GTPBP4: variants seen among roughly 807,000 people sequenced by gnomAD.
GTPBP4 encodes the protein GTP-binding protein 4.
In GTPBP4, 15 loss-of-function variants were observed where a neutral mutation model predicts 81.7. That is an observed-to-expected ratio of 0.18 (90% confidence interval 0.12 to 0.28). The LOEUF (loss-of-function observed/expected upper bound fraction) is 0.28. Among genes scored for constraint, GTPBP4 ranks in the 10% least tolerant of loss-of-function variants. The probability of loss-of-function intolerance (pLI) is 1.00; values close to 1 mark genes in which losing one functional copy is unlikely to be tolerated. For missense variants in GTPBP4, 847 were observed against 793.8 expected, an observed-to-expected ratio of 1.07 and a Z score of -0.81; for synonymous variants, 272 against 274.6, an observed-to-expected ratio of 0.99 and a Z score of 0.09.
intron 15 of GTPBP4, among the ~76,000 whole-genome samples, chr10:1,015,415 C>T (rs1337208713): frequency 8.2e-6 from 1 of 122,484 alleles, no homozygotes; most frequent in African/African-American, 3.5e-5. Flanking sequence ...GTCCTGAGCG[C>T]TGAGCCTGGG....
chr10:993,960 T>C (rs1257830101), intron 2 of GTPBP4, among the ~76,000 whole-genome samples: 3 of 151,978 alleles, frequency 2.0e-5, no homozygotes, highest in East Asian at 1.9e-4. Flanking sequence ...GGTTTCACCA[T>C]GTTGGCCAGG....
intron 1 of GTPBP4, among the ~76,000 whole-genome samples, chr10:989,772 G>A (rs547924478): frequency 5.3e-5 from 8 of 152,068 alleles, no homozygotes; most frequent in Non-Finnish European, 1.2e-4. Flanking sequence ...ATGGAGTCTC[G>A]CTCTGTTGGC....
At chr10:993,638 G>A (rs1831487788) in intron 2 of GTPBP4, among the ~76,000 whole-genome samples, 1 of 152,206 alleles carries the variant, frequency 6.6e-6, no homozygotes. Flanking sequence ...TAATGTGGTT[G>A]CAAGGTTAAT....
In GTPBP4 at chr10:988,463, T is replaced by A; in HGVS notation, c.-17T>A. 1 of 1,611,540 alleles carries A rather than the reference T, an allele frequency of 6.2e-7. No individual in the cohort carries two copies. The highest frequency in any genetic ancestry group is 8.5e-7 in the Non-Finnish European group (1 of 1,178,058). ...GTTCCGGGAGTGCCAAGTACCCGCG[T>A]GCATACGGCTGCCGGCATGGCACAT... On this transcript the variant is annotated 5_prime_UTR_variant, in exon 1 of 17. Coordinates refer to ENST00000360803, the MANE Select transcript of GTPBP4 (RefSeq NM_012341.3).
At chr10:1,014,933 G>T (rs775664747) in intron 15 of GTPBP4, among the ~76,000 whole-genome samples, 1 of 152,038 alleles carries the variant, frequency 6.6e-6, no homozygotes. Context: ...TGCCCAGGGT[G>T]TGGCTGCAGA....
At chr10:1,010,734 C>T (rs1434417943) in intron 13 of GTPBP4, among the ~76,000 whole-genome samples, 2 of 149,534 alleles carry the variant, frequency 1.3e-5, no homozygotes, top group Non-Finnish European at 1.5e-5. Context: ...GCCCCCTTCC[C>T]GCCGCCTCCA....
At chr10:1,011,056 T>G (rs1271606177) in intron 13 of GTPBP4, among the ~76,000 whole-genome samples, 2 of 99,312 alleles carry the variant, frequency 2.0e-5, no homozygotes, top group African/African-American at 7.0e-5. Context: ...TGCTGGGCCC[T>G]TCATTCTCCT....
At chr10:1,015,057 T>C (rs1831950797) in intron 15 of GTPBP4, among the ~76,000 whole-genome samples, 2 of 152,204 alleles carry the variant, frequency 1.3e-5, no homozygotes. Flanking sequence ...GGAGAGAGCA[T>C]TGTTTATATC....
At chr10:993,251 C>T (rs1589022484) in intron 2 of GTPBP4, among the ~76,000 whole-genome samples, 1 of 152,106 alleles carries the variant, frequency 6.6e-6, no homozygotes, top group Non-Finnish European at 1.5e-5. Flanking sequence ...TTGCCTGTTT[C>T]TTTTTTTCTC....
chr10:994,275 T>C (rs1348637280), intron 2 of GTPBP4, among the ~76,000 whole-genome samples: 1 of 151,848 alleles, frequency 6.6e-6, no homozygotes, highest in Non-Finnish European at 1.5e-5. Context: ...TTTGTTTGTT[T>C]GTTTGTTTGT....
intron 16 of GTPBP4, among the ~76,000 whole-genome samples, chr10:1,016,156 T>C (rs1831989048): frequency 6.6e-6 from 1 of 152,172 alleles, no homozygotes; most frequent in African/African-American, 2.4e-5. Flanking sequence ...CTGACAGCAC[T>C]AGCAGTCTGG....
chr10:1,001,576 T>C (rs890760228), intron 8 of GTPBP4, among the ~76,000 whole-genome samples: 4 of 152,302 alleles, frequency 2.6e-5, no homozygotes, highest in South Asian at 2.1e-4. Flanking sequence ...GGCTTTCAAA[T>C]TGTGGTCCTG....
rs1409782287 is a variant in GTPBP4 at position 1,018,134 on chromosome 10, T to C, written c.*907T>C. The C allele has an allele frequency of 6.6e-6, 1 of 152,234 alleles. No homozygotes were observed. Among genetic ancestry groups the C allele is most frequent in the Admixed American group, 6.5e-5 (1 of 15,270 alleles). 9.4% of individuals were successfully genotyped at this position (152,234 alleles called of 1,614,324 possible). ...ATTACATGTGGCAATTTTAAAAATT[T>C]ACCAGGGCTGGGCTGGGCGCAGGGG... On this transcript the variant is annotated 3_prime_UTR_variant, in exon 17 of 17. Coordinates refer to ENST00000360803, the MANE Select transcript of GTPBP4 (RefSeq NM_012341.3).
chr10:1,015,526 GCGGGGC>G (rs1447035972), intron 15 of GTPBP4, among the ~76,000 whole-genome samples: 59 of 133,830 alleles, frequency 4.4e-4, no homozygotes, highest in African/African-American at 1.3e-3. Flanking sequence ...GAGCCTGGGA[GCGGGGC>G]TGGGGTCCTG....
chr10:1,012,412 C>A, intron 13 of GTPBP4, 53 bp from the exon 14 acceptor site: 1 of 1,260,758 alleles, frequency 7.9e-7, no homozygotes, highest in Non-Finnish European at 1.1e-6. Flanking sequence ...CACTCACTGA[C>A]TCAGGGGTTT....
At position 1,013,998 on chromosome 10, in the gene GTPBP4, G is replaced by A. The variant is rs376405393; in HGVS notation, c.1543-249G>A. Among the ~76,000 whole-genome samples the A allele has an allele frequency of 8.9e-4, 136 of 152,238 alleles. No individual in the cohort carries two copies. Among genetic ancestry groups the A allele is most frequent in the African/African-American group, 2.6e-3 (109 of 41,550 alleles). ...ACGGTCACTCTCTCCCCCGTGTTGC[G>A]GTGAAGAATGGACAGACGTGGAGGA... On this transcript the variant is annotated intron_variant, in intron 14 of 16. Transcript: ENST00000360803.
intron 13 of GTPBP4, 65 bp downstream of exon 13, chr10:1,010,585 A>G: frequency 1.1e-6 from 1 of 906,002 alleles, no homozygotes; most frequent in Non-Finnish European, 1.9e-6. Context: ...GCTGGAAGAT[A>G]GCAGCATGGC....
chr10:1,011,224 A>G (rs569696186), intron 13 of GTPBP4, among the ~76,000 whole-genome samples: 6 of 142,484 alleles, frequency 4.2e-5, no homozygotes, highest in South Asian at 2.3e-4. Context: ...CCCTTAATGG[A>G]CTCTGCTGTG....
At position 1,017,725 on chromosome 10, in the gene GTPBP4, G is replaced by T. The variant is rs972691396; in HGVS notation, c.*498G>T. On this transcript the variant is annotated 3_prime_UTR_variant, in exon 17 of 17. Transcript: ENST00000360803. The stretch of plus-strand genomic sequence containing the variant: ...TTTACTTAGCTCATGTTTTGGTTTA[G>T]TTATAGTCGCTATGGATTTGGCCAA... The T allele has an allele frequency of 6.6e-6, 1 of 152,378 alleles. No individual in the cohort carries two copies. The highest frequency in any genetic ancestry group is 1.5e-5 in the Non-Finnish European group (1 of 68,182). 9.4% of individuals were successfully genotyped at this position (152,378 alleles called of 1,614,324 possible). A position where few individuals can be genotyped will look rare whatever the true frequency, so the allele number is the denominator to read the frequency against.
Sources: allele counts gnomAD v4.1 joint callset (sites outside exome capture counted in the v4.1 genomes callset), GRCh38; gene constraint gnomAD v4.1.1; transcripts MANE v1.5; gene names NCBI Gene and HGNC (gene_info 2026-07-23, HGNC 2026-07-21).